CCDC198: variants seen among roughly 807,000 people sequenced by gnomAD.
CCDC198 encodes coiled-coil domain containing 198.
In CCDC198, 18 loss-of-function variants were observed where a neutral mutation model predicts 35.6. The ratio of observed to expected loss-of-function variants is 0.51; its 90% CI spans 0.35 to 0.75. The LOEUF is 0.75. Among genes scored for constraint, CCDC198 ranks in the 30% least tolerant of loss-of-function variants. CCDC198 has a pLI of 0.01. For synonymous variants in CCDC198, 119 were observed against 113.4 expected (o/e 1.05, Z -0.31); for missense variants, 365 against 343.7 (o/e 1.06, Z -0.49).
rs2066789089 is a variant in CCDC198, at chr14:57,470,049, A to C, written c.*1306T>G. ...AATTGTCCCAAAAGCTAATTTTTCC[A>C]AGTGGAATAACTTTAGAATTGAACA... On this transcript the variant is annotated 3_prime_UTR_variant, in exon 6 of 6. Coordinates refer to ENST00000216445, the MANE Select transcript of CCDC198 (RefSeq NM_018168.4). The C allele has an allele frequency of 6.6e-6, 1 of 152,212 alleles. No individual in the cohort carries two copies. Among genetic ancestry groups the C allele is most frequent in the South Asian group, 2.1e-4 (1 of 4,828 alleles). 9.4% of individuals were successfully genotyped at this position (152,212 alleles called of 1,614,324 possible).
intron 1 of CCDC198, 27 bp from the exon 2 acceptor site, chr14:57,491,098 A>G (rs538792617): frequency 1.9e-6 from 3 of 1,602,312 alleles, no homozygotes; most frequent in African/African-American, 1.3e-5. Context: ...AGAAACAGGA[A>G]TAAAACATTA....
chr14:57,481,479 C>G lies in CCDC198; in HGVS notation c.495+80G>C, dbSNP rs2067183350. The G allele has an allele frequency of 1.0e-5, 10 of 961,996 alleles. No individual in the cohort carries two copies. In the Admixed American group the frequency reaches 1.9e-4, roughly 19 times the overall value. 59.6% of individuals were successfully genotyped at this position (961,996 alleles called of 1,614,324 possible). A position where few individuals can be genotyped will look rare whatever the true frequency, so the allele number is the denominator to read the frequency against. On this transcript the variant is annotated intron_variant, in intron 4 of 5. Transcript: ENST00000216445. Reference sequence around the variant, plus strand: ...AAAATGCTAAGTAAAGACTGGCTATCTATGCTTGATATATTCATGTGGCAG... The same window carrying G: ...AAAATGCTAAGTAAAGACTGGCTATGTATGCTTGATATATTCATGTGGCAG...
Position 57,486,523 on chromosome 14 carries a change from A to G in CCDC198, c.307-3372T>C, listed in dbSNP as rs150310583. 2.0e-3 allele frequency among the ~76,000 whole-genome samples: 300 copies of G among 152,242 alleles called. 4 individuals carry two copies. The highest frequency in any genetic ancestry group is 0.014 in the South Asian group (66 of 4,812). ...CCCCTTCACTAGAGATTGAGATTCA[A>G]CAGGTCTGGGGTATGTCCTGGAAAT... On this transcript the variant is annotated intron_variant, in intron 2 of 5. Coordinates refer to ENST00000216445, the MANE Select transcript of CCDC198 (RefSeq NM_018168.4).
intron 5 of CCDC198, among the ~76,000 whole-genome samples, chr14:57,472,257 T>C (rs964775835): frequency 5.3e-5 from 8 of 152,154 alleles, no homozygotes; most frequent in African/African-American, 1.9e-4. Context: ...TTTCTTCTCT[T>C]TCTTTCTCCC....
intron 3 of CCDC198, 97 bp from the exon 4 acceptor site, chr14:57,481,757 T>G (rs2067195866): frequency 6.5e-6 from 5 of 769,510 alleles, no homozygotes; most frequent in Non-Finnish European, 1.1e-5. Flanking sequence ...CAGATCTTAA[T>G]CAGTCATAAC....
intron 5 of CCDC198, chr14:57,478,986 G>A (rs920395234): frequency 7.8e-7 from 1 of 1,289,322 alleles, no homozygotes; most frequent in South Asian, 1.2e-5. Context: ...AGCGATCTGT[G>A]TGTGTGAACA....
intron 4 of CCDC198, among the ~76,000 whole-genome samples, chr14:57,481,116 A>G (rs1340511024): frequency 2.6e-5 from 4 of 152,186 alleles, no homozygotes; most frequent in African/African-American, 9.7e-5. Context: ...CATTACTGGT[A>G]AAGGGTTTTT....
At chr14:57,480,807 A>G (rs2067157426) in intron 4 of CCDC198, 53 bp from the exon 5 acceptor site, 2 of 1,587,182 alleles carry the variant, frequency 1.3e-6, no homozygotes, top group Admixed American at 3.4e-5. Flanking sequence ...TACTTTCACC[A>G]GACTAGATCA....
At chr14:57,488,342 G>C (rs182672351) in intron 2 of CCDC198, among the ~76,000 whole-genome samples, 41 of 152,260 alleles carry the variant, frequency 2.7e-4, no homozygotes, top group Admixed American at 2.6e-3. Context: ...AATCATGTTA[G>C]TTATTTTTGC....
At chr14:57,487,122 G>A (rs2067389211) in intron 2 of CCDC198, among the ~76,000 whole-genome samples, 1 of 152,242 alleles carries the variant, frequency 6.6e-6, no homozygotes, top group East Asian at 1.9e-4. Flanking sequence ...TCCCTGCCCA[G>A]GAAGTGAGAT....
chr14:57,489,886 A>G (rs2067501608), intron 2 of CCDC198, among the ~76,000 whole-genome samples: 1 of 152,146 alleles, frequency 6.6e-6, no homozygotes, highest in Non-Finnish European at 1.5e-5. Context: ...AACACATTTT[A>G]AACTGCCCTG....
At chr14:57,482,190 T>G (rs117369260) in intron 3 of CCDC198, among the ~76,000 whole-genome samples, 225 of 152,298 alleles carry the variant, frequency 1.5e-3, no homozygotes, top group Non-Finnish European at 2.7e-3. Context: ...TTTGTGACTC[T>G]GAACATCTCC....
Position 57,481,137 on chromosome 14 carries a change from G to T in CCDC198, c.496-383C>A, listed in dbSNP as rs553189800. On this transcript the variant is annotated intron_variant, in intron 4 of 5. Coordinates refer to ENST00000216445, the MANE Select transcript of CCDC198 (RefSeq NM_018168.4). Reference sequence around the variant, plus strand: ...TGGTAAAGGGTTTTTTTGTTTGTTTGGTTGGTTGGTTGTTTTTTTTACAAG... The same window carrying T: ...TGGTAAAGGGTTTTTTTGTTTGTTTTGTTGGTTGGTTGTTTTTTTTACAAG... Among the ~76,000 whole-genome samples the T allele has an allele frequency of 9.9e-5, 15 of 152,154 alleles. No individual in the cohort carries two copies. The South Asian group carries it at 2.7e-3, about 27-fold the overall frequency.
chr14:57,489,986 A>G (rs2067505214), intron 2 of CCDC198, among the ~76,000 whole-genome samples: 3 of 152,148 alleles, frequency 2.0e-5, no homozygotes, highest in Non-Finnish European at 4.4e-5. Context: ...ATGATTTTAT[A>G]GTTTCTAATA....
At chr14:57,471,642 G>C (rs1163541736) in intron 5 of CCDC198, 52 bp from the exon 6 acceptor site, 10 of 990,682 alleles carry the variant, frequency 1.0e-5, no homozygotes, top group Non-Finnish European at 1.3e-5. Context: ...TGATTTATTT[G>C]TTTATTAAGT....
intron 5 of CCDC198, chr14:57,478,398 TAA>T: frequency 3.4e-6 from 3 of 895,336 alleles, no homozygotes; most frequent in Non-Finnish European, 4.0e-6. Flanking sequence ...GTGTGAGAAT[TAA>T]AAGAGATAAT....
intron 2 of CCDC198, among the ~76,000 whole-genome samples, chr14:57,483,577 C>G (rs941555244): frequency 6.6e-6 from 1 of 152,200 alleles, no homozygotes; most frequent in African/African-American, 2.4e-5. Context: ...TTTTTAAGAT[C>G]TCTAGAGAAG....
At chr14:57,487,996 A>G (rs557604919) in intron 2 of CCDC198, among the ~76,000 whole-genome samples, 2 of 152,282 alleles carry the variant, frequency 1.3e-5, no homozygotes, top group East Asian at 3.9e-4. Flanking sequence ...CTGCATGAGC[A>G]TATCCTCTGG....
At chr14:57,493,261 T>C (rs2067637598) in intron 1 of CCDC198, among the ~76,000 whole-genome samples, 1 of 152,190 alleles carries the variant, frequency 6.6e-6, no homozygotes, top group Admixed American at 6.5e-5. Flanking sequence ...CCTTCTCATA[T>C]GGAATAGTGA....
Sources: allele counts gnomAD v4.1 joint callset (sites outside exome capture counted in the v4.1 genomes callset), GRCh38; gene constraint gnomAD v4.1.1; transcripts MANE v1.5; gene names NCBI Gene and HGNC (gene_info 2026-07-23, HGNC 2026-07-21).